The following CCSER2 variants were observed in gnomAD, a reference collection of about 807,000 sequenced individuals.
The protein encoded by CCSER2 is serine-rich coiled-coil domain-containing protein 2.
In CCSER2, 46 loss-of-function variants were observed where a neutral mutation model predicts 92.3. That is an observed-to-expected ratio of 0.50 (90% CI 0.39 to 0.64). The LOEUF (loss-of-function observed/expected upper bound fraction) is 0.64, where lower values mean the gene tolerates loss of function less well. Among genes scored for constraint, CCSER2 ranks in the 30% least tolerant of loss-of-function variants. The pLI is 0.00. For synonymous variants in CCSER2, 433 were observed against 431.4 expected, an observed-to-expected ratio of 1.00 and a Z score of -0.04; for missense variants, 1,244 against 1,238.9, an observed-to-expected ratio of 1.00 and a Z score of -0.06.
At chr10:84,464,266 T>C (rs987420475) in intron 7 of CCSER2, among the ~76,000 whole-genome samples, 4 of 152,306 alleles carry the variant, frequency 2.6e-5, no homozygotes, top group Admixed American at 2.6e-4. Flanking sequence ...TTGCTCATAA[T>C]GATAAATGAT....
intron 9 of CCSER2, among the ~76,000 whole-genome samples, chr10:84,508,290 G>C (rs983288787): frequency 2.0e-5 from 3 of 152,210 alleles, no homozygotes; most frequent in African/African-American, 7.2e-5. Context: ...CCCTTGGAAA[G>C]AAGGGAACGC....
chr10:84,330,697 C>T (rs897499664), intron 1 of CCSER2, among the ~76,000 whole-genome samples: 2 of 151,966 alleles, frequency 1.3e-5, no homozygotes, highest in African/African-American at 4.8e-5. Context: ...TTAGTAGAGA[C>T]GGGTTTCAGT....
At chr10:84,457,670 AG>A (rs1845848499) in intron 6 of CCSER2, among the ~76,000 whole-genome samples, 9 of 112,678 alleles carry the variant, frequency 8.0e-5, no homozygotes, top group Admixed American at 4.1e-4. Flanking sequence ...TTTTAATTTT[AG>A]TTATTATATA....
intron 1 of CCSER2, among the ~76,000 whole-genome samples, chr10:84,352,584 A>G (rs533319061): frequency 9.2e-5 from 14 of 151,554 alleles, no homozygotes; most frequent in African/African-American, 2.9e-4. Context: ...TTCAAAGAGT[A>G]CCTATCACCA....
At chr10:84,374,139 G>C (rs956728442) in intron 3 of CCSER2, 3 of 427,670 alleles carry the variant, frequency 7.0e-6, no homozygotes, top group Non-Finnish European at 1.2e-5. Context: ...GGTTTTGGTT[G>C]TCATATTGAT....
intron 9 of CCSER2, among the ~76,000 whole-genome samples, chr10:84,504,783 C>A (rs185433887): frequency 6.6e-6 from 1 of 152,096 alleles, no homozygotes; most frequent in Non-Finnish European, 1.5e-5. Flanking sequence ...TTGATTCTCA[C>A]AACAACTCAG....
chr10:84,350,734 A>G (rs1374569026), intron 1 of CCSER2, among the ~76,000 whole-genome samples: 5 of 152,196 alleles, frequency 3.3e-5, no homozygotes, highest in Non-Finnish European at 5.9e-5. Context: ...ATTTCTATTC[A>G]TTGATCCTAG....
chr10:84,431,261 T>C (rs1262096432), intron 5 of CCSER2, among the ~76,000 whole-genome samples: 5 of 152,218 alleles, frequency 3.3e-5, no homozygotes, highest in East Asian at 1.9e-4. Flanking sequence ...GTTCCACTTA[T>C]TCATCCCTCC....
rs1263185310 is a variant in CCSER2 at position 84,477,569 on chromosome 10, G to A, written c.2236-6G>A. The A allele has an allele frequency of 1.3e-6, 2 of 1,589,770 alleles. No individual in the cohort carries two copies. Among genetic ancestry groups the A allele is most frequent in the Non-Finnish European group, 8.6e-7 (1 of 1,160,094 alleles). On this transcript the variant is annotated splice_region_variant and splice_polypyrimidine_tract_variant and intron_variant, in intron 8 of 9. Transcript: ENST00000372088. ...ACCAATGTAAAAATTTTGTGTTTTT[G>A]TTTAGGCAACTCAGCATATCTGCCA...
chr10:84,417,913 C>A, intron 4 of CCSER2, 52 bp downstream of exon 4: 1 of 875,490 alleles, frequency 1.1e-6, no homozygotes, highest in Non-Finnish European at 1.9e-6. Context: ...AGCTACTCGA[C>A]TGTAGCCAAT....
chr10:84,480,854 A>G (rs530824377), intron 9 of CCSER2, among the ~76,000 whole-genome samples: 1 of 152,178 alleles, frequency 6.6e-6, no homozygotes, highest in Admixed American at 6.5e-5. Context: ...ATTTTAACCT[A>G]CGTAGGTAGT....
chr10:84,483,153 G>C (rs1049490699), intron 9 of CCSER2, among the ~76,000 whole-genome samples: 4 of 152,146 alleles, frequency 2.6e-5, no homozygotes, highest in Admixed American at 2.6e-4. Context: ...AGCACTTTGG[G>C]AGGCTGAGGC....
chr10:84,483,186 A>G (rs1413886884), intron 9 of CCSER2, among the ~76,000 whole-genome samples: 5 of 152,022 alleles, frequency 3.3e-5, no homozygotes, highest in Non-Finnish European at 7.4e-5. Flanking sequence ...GGAGGCTGGG[A>G]GTTTGAGACC....
intron 3 of CCSER2, among the ~76,000 whole-genome samples, chr10:84,413,738 T>TG (rs1842763719): frequency 6.6e-6 from 1 of 152,150 alleles, no homozygotes; most frequent in Non-Finnish European, 1.5e-5. Flanking sequence ...ATATTGTCAT[T>TG]GGGGTATTAA....
intron 3 of CCSER2, among the ~76,000 whole-genome samples, chr10:84,383,879 T>A (rs1242795579): frequency 6.6e-6 from 1 of 152,054 alleles, no homozygotes; most frequent in African/African-American, 2.4e-5. Context: ...ATAAACAAAA[T>A]TGACAGGCTG....
At chr10:84,412,935 G>A (rs984602116) in intron 3 of CCSER2, among the ~76,000 whole-genome samples, 7 of 152,140 alleles carry the variant, frequency 4.6e-5, no homozygotes, top group African/African-American at 1.4e-4. Flanking sequence ...TGTGCATAGA[G>A]GTGTTTATAG....
intron 9 of CCSER2, among the ~76,000 whole-genome samples, chr10:84,485,964 A>G (rs1017510162): frequency 4.6e-5 from 7 of 152,074 alleles, no homozygotes; most frequent in Non-Finnish European, 8.8e-5. Context: ...TCATTGTTCA[A>G]TTCCCATCTA....
intron 6 of CCSER2, among the ~76,000 whole-genome samples, chr10:84,447,196 C>CT (rs1164782845): frequency 6.6e-6 from 1 of 152,084 alleles, no homozygotes; most frequent in African/African-American, 2.4e-5. Context: ...GTAGTTCAGT[C>CT]TTTTTTACTC....
chr10:84,335,228 C>CTCTT (rs1843768271), intron 1 of CCSER2, among the ~76,000 whole-genome samples: 1 of 69,998 alleles, frequency 1.4e-5, no homozygotes, highest in Non-Finnish European at 2.5e-5. Context: ...CTCTCTCTCT[C>CTCTT]TTTTTTTTTT....
Sources: gnomAD v4.1 joint callset for allele counts (sites outside exome capture counted in the v4.1 genomes callset) on GRCh38, gnomAD v4.1.1 for gene constraint, MANE v1.5 for transcripts, NCBI Gene and HGNC (gene_info 2026-07-23, HGNC 2026-07-21) for gene names.